PALM2AKAP2: variants seen among roughly 807,000 people sequenced by gnomAD.
PALM2AKAP2 encodes the protein PALM2 and AKAP2 fusion, also known as PALM2-AKAP2 fusion protein.
PALM2AKAP2 carries 37 observed loss-of-function variants against 71.5 expected under a neutral mutation model. The observed-to-expected ratio is 0.52, with a 90% CI of 0.40 to 0.68. The LOEUF is 0.68. PALM2AKAP2 is among the 30% of genes least tolerant of loss of function. PALM2AKAP2 has a pLI of 0.00. For synonymous variants in PALM2AKAP2, 468 were observed against 478.8 expected (o/e 0.98, Z 0.29); for missense variants, 1,224 against 1,191.8 (o/e 1.03, Z -0.40).
At chr9:110,105,967 C>G (rs1369752142) in intron 1 of PALM2AKAP2, among the ~76,000 whole-genome samples, 1 of 152,146 alleles carries the variant, frequency 6.6e-6, no homozygotes. Context: ...GCACTTTATC[C>G]TGTCTAATGT....
chr9:109,993,979 C>T (rs1832528694), intron 6 of PALM2AKAP2, among the ~76,000 whole-genome samples: 1 of 152,120 alleles, frequency 6.6e-6, no homozygotes, highest in Non-Finnish European at 1.5e-5. Context: ...TCCAGCTTAT[C>T]TCTTCCTACT....
At chr9:109,884,511 CAG>C (rs1306721205) in intron 3 of PALM2AKAP2, among the ~76,000 whole-genome samples, 2 of 151,904 alleles carry the variant, frequency 1.3e-5, no homozygotes, top group Admixed American at 6.6e-5. Context: ...TGCAAGAATG[CAG>C]AGAGAAAGGA....
At position 109,787,508 on chromosome 9, in the gene PALM2AKAP2, A is replaced by C. The variant is rs115376308; in HGVS notation, c.45+6975A>C. On this transcript the variant is annotated intron_variant, in intron 1 of 9. Transcript: ENST00000302798. ...GCATGAAGATAGTATTAATAATAAA[A>C]AATGGATTATTTGTAGTAAGCAGGA... is the stretch of plus-strand genomic sequence containing the variant. 2.8e-3 allele frequency among the ~76,000 whole-genome samples: 420 copies of C among 152,364 alleles called. 3 individuals carry two copies. Among genetic ancestry groups the C allele is most frequent in the African/African-American group, 9.7e-3 (403 of 41,586 alleles).
At chr9:110,004,006 A>C (rs1415751310) in intron 6 of PALM2AKAP2, among the ~76,000 whole-genome samples, 3 of 152,154 alleles carry the variant, frequency 2.0e-5, no homozygotes, top group South Asian at 2.1e-4. Flanking sequence ...GTGTCTTTTA[A>C]TTGGAGCATT....
chr9:110,158,862 A>G (rs564618281), intron 3 of PALM2AKAP2, among the ~76,000 whole-genome samples: 9 of 152,188 alleles, frequency 5.9e-5, no homozygotes, highest in Non-Finnish European at 1.0e-4. Flanking sequence ...CCAATCCACT[A>G]TATGCTCATT....
chr9:110,138,210 A>G lies in PALM2AKAP2; in HGVS notation c.2240A>G (p.Gln747Arg). The G allele has an allele frequency of 6.2e-7, 1 of 1,614,074 alleles. No homozygotes were observed. The highest frequency in any genetic ancestry group is 8.5e-7 in the Non-Finnish European group (1 of 1,179,960). ...GCGCTCAGGGAAAGGGGGCCCCCCC[A>G]GCCACTGCCAGCTGTGCAGCCCAGT... Residue 747 changes from glutamine to arginine, a missense_variant, in exon 2 of 4, where the codon CAG becomes CGG. By Grantham distance (43) the Gln-to-Arg change is conservative. Transcript: ENST00000374525.
rs549770463 is a variant in PALM2AKAP2, at chr9:109,825,215, A to G, written c.46-42276A>G. Among the ~76,000 whole-genome samples the G allele has an allele frequency of 3.6e-3, 553 of 152,374 alleles. 1 individual carries two copies. The highest frequency in any genetic ancestry group is 5.9e-3 in the Non-Finnish European group (404 of 68,032). On this transcript the variant is annotated intron_variant, in intron 1 of 9. Coordinates refer to the PALM2AKAP2 transcript ENST00000302798. ...CACCTTATACAAAAATTAATTCAAG[A>G]TGGATTAAAGACTTAAATGTTAGAC...
At chr9:109,812,597 G>A (rs534503884) in intron 1 of PALM2AKAP2, among the ~76,000 whole-genome samples, 14 of 152,304 alleles carry the variant, frequency 9.2e-5, no homozygotes, top group South Asian at 2.1e-4. Flanking sequence ...CCAGCACACC[G>A]TTTATTTCAC....
chr9:109,704,576 G>T (rs369263562), intron 1 of PALM2AKAP2, among the ~76,000 whole-genome samples: 11 of 152,222 alleles, frequency 7.2e-5, no homozygotes, highest in African/African-American at 2.6e-4. Flanking sequence ...CTTTAGGGAG[G>T]TCAGTGAGGC....
chr9:109,709,709 A>G (rs1228356203), intron 1 of PALM2AKAP2, among the ~76,000 whole-genome samples: 1 of 152,184 alleles, frequency 6.6e-6, no homozygotes, highest in Admixed American at 6.5e-5. Context: ...AGACTGATGG[A>G]CACAGGCATC....
At chr9:110,050,182 A>C (rs933839812) in intron 1 of PALM2AKAP2, among the ~76,000 whole-genome samples, 6 of 151,978 alleles carry the variant, frequency 3.9e-5, no homozygotes, top group African/African-American at 1.5e-4. Context: ...ACGTCTATAC[A>C]CCTCTCTCTG....
intron 7 of PALM2AKAP2, among the ~76,000 whole-genome samples, chr9:110,019,831 A>G (rs1362279536): frequency 6.6e-6 from 1 of 152,200 alleles, no homozygotes; most frequent in Non-Finnish European, 1.5e-5. Flanking sequence ...AAAACTACCT[A>G]TTGGATACTA....
intron 5 of PALM2AKAP2, among the ~76,000 whole-genome samples, chr9:109,928,714 C>T (rs1008057431): frequency 1.3e-5 from 2 of 151,580 alleles, no homozygotes; most frequent in East Asian, 1.9e-4. Context: ...CTCTGTCACC[C>T]GGGCTGGAGT....
intron 6 of PALM2AKAP2, among the ~76,000 whole-genome samples, chr9:110,006,320 C>CTATCTTTCTTTCTTT (rs1238150373): frequency 2.1e-3 from 175 of 82,634 alleles, no homozygotes; most frequent in African/African-American, 7.6e-3. Flanking sequence ...TTCCTTCCTT[C>CTATCTTTCTTTCTTT]CTTCTCTTTC....
chr9:109,642,578 G>T (rs1827086536), intron 1 of PALM2AKAP2, among the ~76,000 whole-genome samples: 3 of 151,288 alleles, frequency 2.0e-5, no homozygotes, highest in Admixed American at 6.6e-5. Flanking sequence ...CTTCATTTTA[G>T]ACAGGGTCTC....
chr9:109,681,487 G>T (rs979101709), intron 1 of PALM2AKAP2, among the ~76,000 whole-genome samples: 1 of 152,226 alleles, frequency 6.6e-6, no homozygotes, highest in Non-Finnish European at 1.5e-5. Context: ...TCACAGTGGG[G>T]TTGTAGAGAT....
intron 1 of PALM2AKAP2, among the ~76,000 whole-genome samples, chr9:110,054,802 G>A (rs1036190664): frequency 2.0e-5 from 3 of 152,106 alleles, no homozygotes; most frequent in Non-Finnish European, 4.4e-5. Flanking sequence ...GAACTTCGGG[G>A]CTCAAGCAGT....
At chr9:110,006,535 T>G (rs887545269) in intron 6 of PALM2AKAP2, among the ~76,000 whole-genome samples, 2 of 151,730 alleles carry the variant, frequency 1.3e-5, no homozygotes, top group Non-Finnish European at 2.9e-5. Context: ...TAATTTTGTT[T>G]GTTTGTTTTT....
chr9:109,722,571 A>G (rs150308420), intron 1 of PALM2AKAP2, among the ~76,000 whole-genome samples: 11 of 152,306 alleles, frequency 7.2e-5, no homozygotes, highest in African/African-American at 1.9e-4. Flanking sequence ...CAGGAGCTCA[A>G]TACTAGCCTG....
Sources: allele counts gnomAD v4.1 joint callset (sites outside exome capture counted in the v4.1 genomes callset), GRCh38; gene constraint gnomAD v4.1.1; transcripts MANE v1.5; gene names NCBI Gene and HGNC (gene_info 2026-07-23, HGNC 2026-07-21).